SFMBT1: variants seen among roughly 807,000 people sequenced by gnomAD.
SFMBT1 encodes scm-like with four MBT domains protein 1.
A neutral mutation model predicts 108.7 loss-of-function variants in SFMBT1; 32 were observed. That is an observed-to-expected ratio of 0.29 (90% CI 0.22 to 0.40). The LOEUF is 0.40. SFMBT1 is among the 10% of genes least tolerant of loss of function. SFMBT1 has a pLI of 1.00. For synonymous variants in SFMBT1, 348 were observed against 369.5 expected (o/e 0.94, Z 0.67); for missense variants, 816 against 1,059.6 (o/e 0.77, Z 3.19).
chr3:53,044,461 G>A (rs1460690721), intron 1 of SFMBT1, among the ~76,000 whole-genome samples: 1 of 108,666 alleles, frequency 9.2e-6, no homozygotes, highest in Admixed American at 9.4e-5. Context: ...TTCTGACATC[G>A]CAAACAAATC....
chr3:53,040,658 T>TG (rs1700010085), intron 1 of SFMBT1, among the ~76,000 whole-genome samples: 3 of 150,980 alleles, frequency 2.0e-5, no homozygotes, highest in Non-Finnish European at 4.4e-5. Flanking sequence ...ATGCACACAG[T>TG]ACTGTGCATC....
At chr3:52,921,903 CT>C (rs1267214075) in intron 10 of SFMBT1, 72 bp from the exon 11 acceptor site, 5 of 1,478,184 alleles carry the variant, frequency 3.4e-6, no homozygotes, top group African/African-American at 2.8e-5. Flanking sequence ...GCTAGAAAAC[CT>C]TTTTCAAGTA....
intron 1 of SFMBT1, among the ~76,000 whole-genome samples, chr3:52,987,572 T>G (rs2581821): frequency 0.28 from 42,384 of 152,158 alleles, 6,607 homozygotes; most frequent in East Asian, 0.48. Flanking sequence ...AACCCTCATC[T>G]GATCCCAAGC....
At chr3:52,913,337 C>T (rs1440383577) in intron 15 of SFMBT1, 141 bp downstream of exon 15, 4 of 1,034,936 alleles carry the variant, frequency 3.9e-6, no homozygotes, top group Non-Finnish European at 2.7e-6. Flanking sequence ...ACCCTCTTCA[C>T]TGTCCAAAAC....
intron 1 of SFMBT1, among the ~76,000 whole-genome samples, chr3:53,009,451 A>G (rs1698869201): frequency 1.3e-5 from 2 of 152,150 alleles, no homozygotes. Context: ...ATAAATAAAT[A>G]AAAGAATCCC....
intron 1 of SFMBT1, among the ~76,000 whole-genome samples, chr3:53,028,981 A>T (rs1699588309): frequency 6.6e-6 from 1 of 152,002 alleles, no homozygotes. Flanking sequence ...GAAGATCCTG[A>T]CTAACACGGT....
At chr3:53,028,616 T>C (rs908819470) in intron 1 of SFMBT1, among the ~76,000 whole-genome samples, 3 of 152,010 alleles carry the variant, frequency 2.0e-5, no homozygotes, top group Non-Finnish European at 2.9e-5. Flanking sequence ...GAGGCTGTAA[T>C]GTGCTATCAT....
rs973080040 is a variant in SFMBT1, at chr3:53,000,114, G to A, written c.-130-30856C>T. On this transcript the variant is annotated intron_variant, in intron 1 of 20. Coordinates refer to ENST00000394752, the MANE Select transcript of SFMBT1 (RefSeq NM_016329.4). ...CCTGACCTCGTGATCCGCCCACCCC[G>A]GCCTCCCAAAGTGCTGGGATTACAG... Among the ~76,000 whole-genome samples the A allele has an allele frequency of 3.3e-5, 5 of 149,828 alleles. 1 individual carries two copies. Among genetic ancestry groups the A allele is most frequent in the East Asian group, 1.9e-4 (1 of 5,130 alleles).
At chr3:52,989,617 G>A (rs1244471330) in intron 1 of SFMBT1, among the ~76,000 whole-genome samples, 4 of 151,860 alleles carry the variant, frequency 2.6e-5, no homozygotes, top group East Asian at 1.9e-4. Context: ...TGGCTAACAC[G>A]GCGAAATGCT....
intron 1 of SFMBT1, chr3:53,044,856 A>T (rs1456794555): frequency 6.6e-6 from 1 of 152,484 alleles, no homozygotes; most frequent in Non-Finnish European, 1.5e-5. Context: ...CTCCTTGAGC[A>T]CAAGCTCTGG....
chr3:52,966,000 C>G (rs139115713), intron 2 of SFMBT1, among the ~76,000 whole-genome samples: 10,953 of 73,096 alleles, frequency 0.15, 570 homozygotes, highest in Admixed American at 0.2. Flanking sequence ...AGCAAGACTC[C>G]GTTTCAAAAA....
chr3:52,907,527 C>T (rs371874312), intron 18 of SFMBT1, 28 bp downstream of exon 18: 1 of 1,600,250 alleles, frequency 6.2e-7, no homozygotes, highest in Non-Finnish European at 8.5e-7. Context: ...GGCTTCAAGA[C>T]ATTACAGGCA....
intron 13 of SFMBT1, among the ~76,000 whole-genome samples, chr3:52,917,393 CG>C (rs1360976735): frequency 1.3e-5 from 2 of 151,476 alleles, no homozygotes; most frequent in Non-Finnish European, 2.9e-5. Context: ...AGAGAGGGGT[CG>C]GGGGGTGCCG....
At chr3:52,912,272 C>G (rs1301026691) in intron 16 of SFMBT1, among the ~76,000 whole-genome samples, 1 of 152,058 alleles carries the variant, frequency 6.6e-6, no homozygotes, top group African/African-American at 2.4e-5. Context: ...CCTCCACCTC[C>G]TGGGTTCAAG....
intron 1 of SFMBT1, among the ~76,000 whole-genome samples, chr3:52,974,840 A>C (rs1704464431): frequency 6.7e-6 from 1 of 149,862 alleles, no homozygotes; most frequent in African/African-American, 2.4e-5. Context: ...AAGTAAAAAA[A>C]AAAAAAAAAA....
chr3:52,918,657 G>GTA, intron 12 of SFMBT1, 131 bp from the exon 13 acceptor site: 28 of 443,648 alleles, frequency 6.3e-5, no homozygotes, highest in East Asian at 1.5e-4. Context: ...ATATGTGTGT[G>GTA]TGTATATATA....
intron 1 of SFMBT1, among the ~76,000 whole-genome samples, chr3:53,030,299 C>T (rs1457607476): frequency 6.6e-6 from 1 of 151,730 alleles, no homozygotes; most frequent in Non-Finnish European, 1.5e-5. Context: ...ATATGATTTA[C>T]ACACATAGAA....
chr3:52,943,206 C>A, intron 4 of SFMBT1, 147 bp downstream of exon 4: 1 of 931,672 alleles, frequency 1.1e-6, no homozygotes. Flanking sequence ...GTGTATTATT[C>A]CTTATAAATA....
chr3:52,935,391 G>A (rs1232326383), intron 4 of SFMBT1, among the ~76,000 whole-genome samples: 1 of 152,138 alleles, frequency 6.6e-6, no homozygotes, highest in Non-Finnish European at 1.5e-5. Context: ...TTTACATATT[G>A]TCTGTGGCTG....
Sources: gnomAD v4.1 joint callset for allele counts (sites outside exome capture counted in the v4.1 genomes callset) on GRCh38, gnomAD v4.1.1 for gene constraint, MANE v1.5 for transcripts, NCBI Gene and HGNC (gene_info 2026-07-23, HGNC 2026-07-21) for gene names.